The following SYT2 variants were observed in gnomAD, a reference collection of about 807,000 sequenced individuals.
SYT2 encodes the protein synaptotagmin 2.
Under a neutral mutation model 39.9 loss-of-function variants are expected in SYT2, and 15 were observed. The ratio of observed to expected loss-of-function variants is 0.38; its 90% CI spans 0.25 to 0.58. The LOEUF (loss-of-function observed/expected upper bound fraction) is 0.58. Among genes scored for constraint, SYT2 ranks in the 20% least tolerant of loss-of-function variants. SYT2 has a pLI of 0.70. For missense variants in SYT2, 389 were observed against 530.3 expected (o/e 0.73, Z 2.62); for synonymous variants, 181 against 204.5 (o/e 0.89, Z 0.98).
intron 1 of SYT2, among the ~76,000 whole-genome samples, chr1:202,674,812 G>A (rs545923423): frequency 1.4e-4 from 22 of 152,086 alleles, no homozygotes; most frequent in African/African-American, 4.8e-5. Flanking sequence ...GGTCACACTG[G>A]CCTCCCACAT....
intron 1 of SYT2, among the ~76,000 whole-genome samples, chr1:202,675,929 TTAA>T (rs1443646528): frequency 6.6e-6 from 1 of 152,216 alleles, no homozygotes; most frequent in African/African-American, 2.4e-5. Flanking sequence ...ATCTTTCCAT[TTAA>T]TCCTCACAGC....
intron 1 of SYT2, among the ~76,000 whole-genome samples, chr1:202,652,406 AT>A (rs1302676492): frequency 6.6e-6 from 1 of 152,134 alleles, no homozygotes; most frequent in Non-Finnish European, 1.5e-5. Context: ...CCTCCTTTGA[AT>A]TTGGGCACCT....
chr1:202,607,493 C>G (rs1271455868), intron 1 of SYT2, among the ~76,000 whole-genome samples: 1 of 152,208 alleles, frequency 6.6e-6, no homozygotes, highest in East Asian at 1.9e-4. Flanking sequence ...TAACTCTCCT[C>G]TAGACTCAGG....
At chr1:202,635,858 C>G (rs1691727045) in intron 1 of SYT2, among the ~76,000 whole-genome samples, 1 of 152,212 alleles carries the variant, frequency 6.6e-6, no homozygotes, top group Non-Finnish European at 1.5e-5. Context: ...CCCTCCCAGC[C>G]AGGAAGGAGG....
chr1:202,632,642 G>C (rs1247429635), intron 1 of SYT2: 2 of 961,518 alleles, frequency 2.1e-6, no homozygotes, highest in African/African-American at 3.5e-5. Flanking sequence ...GGGGAAAAGA[G>C]AAGACACAGA....
At chr1:202,625,033 G>A (rs148141946) in intron 1 of SYT2, among the ~76,000 whole-genome samples, 1 of 1,574 alleles carries the variant, frequency 6.4e-4, no homozygotes, top group African/African-American at 1.5e-3. Flanking sequence ...TTGTGTGTGT[G>A]GTGTGTGTGG....
chr1:202,690,942 G>T (rs1176562190), intron 1 of SYT2, among the ~76,000 whole-genome samples: 1 of 152,044 alleles, frequency 6.6e-6, no homozygotes, highest in Admixed American at 6.6e-5. Context: ...ATGCTTTTCA[G>T]GTCCAGACTT....
chr1:202,597,476 T>C (rs1471803832), intron 8 of SYT2, among the ~76,000 whole-genome samples: 2 of 152,062 alleles, frequency 1.3e-5, no homozygotes, highest in African/African-American at 4.8e-5. Context: ...ACAGATTTGC[T>C]TGGGTAGAGG....
chr1:202,698,353 G>T (rs533202054), intron 1 of SYT2, among the ~76,000 whole-genome samples: 3 of 152,154 alleles, frequency 2.0e-5, no homozygotes, highest in Non-Finnish European at 4.4e-5. Context: ...GCAGAGAGAC[G>T]TGTGCTCCCC....
intron 1 of SYT2, among the ~76,000 whole-genome samples, chr1:202,684,066 AT>A: frequency 6.6e-6 from 1 of 152,174 alleles, no homozygotes; most frequent in South Asian, 2.1e-4. Flanking sequence ...ATTTTAATGT[AT>A]TTTTGTATAT....
At chr1:202,672,772 A>AGGGG (rs1558456882) in intron 1 of SYT2, among the ~76,000 whole-genome samples, 3 of 52,332 alleles carry the variant, frequency 5.7e-5, no homozygotes, top group African/African-American at 8.1e-5. Context: ...TGAGAGAGGG[A>AGGGG]GGGAGGGAGA....
At chr1:202,627,181 C>T (rs559695458) in intron 1 of SYT2, among the ~76,000 whole-genome samples, 185 of 152,346 alleles carry the variant, frequency 1.2e-3, no homozygotes, top group Middle Eastern at 3.4e-3. Context: ...GTGTGTTCCT[C>T]TTGCAGAGAC....
At chr1:202,607,441 G>C (rs1158378011) in intron 1 of SYT2, among the ~76,000 whole-genome samples, 3 of 152,108 alleles carry the variant, frequency 2.0e-5, no homozygotes, top group African/African-American at 7.2e-5. Context: ...AGAATTTAAA[G>C]AAAAAATGTG....
intron 1 of SYT2, among the ~76,000 whole-genome samples, chr1:202,708,754 A>G (rs530901025): frequency 2.0e-5 from 3 of 152,316 alleles, no homozygotes; most frequent in African/African-American, 7.2e-5. Context: ...GTCCCACTGC[A>G]TCAGAGCCAC....
At chr1:202,706,598 G>A (rs1486639506) in intron 1 of SYT2, among the ~76,000 whole-genome samples, 1 of 152,268 alleles carries the variant, frequency 6.6e-6, no homozygotes, top group Non-Finnish European at 1.5e-5. Context: ...GCAGAACCAG[G>A]ATGAACCCTG....
chr1:202,602,965 T>G (rs1690566635), intron 4 of SYT2, 34 bp downstream of exon 4: 285 of 1,357,054 alleles, frequency 2.1e-4, no homozygotes, highest in East Asian at 5.3e-4. Flanking sequence ...CCTCTCCCCA[T>G]TCCCCCACTC....
chr1:202,638,254 C>G (rs747145258), intron 1 of SYT2, among the ~76,000 whole-genome samples: 1 of 152,314 alleles, frequency 6.6e-6, no homozygotes, highest in Non-Finnish European at 1.5e-5. Context: ...TCCTCCCCCC[C>G]AGCCCCTCCC....
chr1:202,622,874 T>G lies in SYT2; in HGVS notation c.-17-17085A>C, dbSNP rs78348218. 6.8e-3 allele frequency among the ~76,000 whole-genome samples: 1,038 copies of G among 152,306 alleles called. 15 individuals carry two copies. The highest frequency in any genetic ancestry group is 0.063 in the East Asian group (329 of 5,184). On this transcript the variant is annotated intron_variant, in intron 1 of 8. Coordinates refer to ENST00000367268, the MANE Select transcript of SYT2 (RefSeq NM_177402.5). ...ACCCAGCCTGTGAGGGCTGAGGGAC[T>G]CTTACAGACAACGCAGTCCACAGCC...
At chr1:202,649,257 C>T (rs1692147577) in intron 1 of SYT2, among the ~76,000 whole-genome samples, 1 of 152,204 alleles carries the variant, frequency 6.6e-6, no homozygotes, top group African/African-American at 2.4e-5. Flanking sequence ...TGTACATGAG[C>T]TTTAGGGGTC....
Sources: allele counts gnomAD v4.1 joint callset (sites outside exome capture counted in the v4.1 genomes callset), GRCh38; gene constraint gnomAD v4.1.1; transcripts MANE v1.5; gene names NCBI Gene and HGNC (gene_info 2026-07-23, HGNC 2026-07-21).